The following CACNA1S variants were observed in gnomAD, a reference collection of about 807,000 sequenced individuals.
The protein encoded by CACNA1S is voltage-dependent L-type calcium channel subunit alpha-1S.
A neutral mutation model predicts 207.4 loss-of-function variants in CACNA1S; 126 were observed. The ratio of observed to expected loss-of-function variants is 0.61; its 90% confidence interval spans 0.53 to 0.70. The LOEUF is 0.70. Among genes scored for constraint, CACNA1S ranks in the 30% least tolerant of loss-of-function variants. The pLI is 0.00. For synonymous variants in CACNA1S, 960 were observed against 932.7 expected, an observed-to-expected ratio of 1.03 and a Z score of -0.53; for missense variants, 2,349 against 2,422.8, an observed-to-expected ratio of 0.97 and a Z score of 0.64.
At chr1:201,050,929 C>A (rs1359942617) in intron 33 of CACNA1S, 55 bp downstream of exon 33, 3 of 1,586,522 alleles carry the variant, frequency 1.9e-6, no homozygotes, top group African/African-American at 1.3e-5. Context: ...CAGGCTCCCC[C>A]ATGCCTCAGC....
In CACNA1S at chr1:201,039,870, G is replaced by T; in HGVS notation, c.5583C>A (p.His1861Gln). 1 of 1,610,674 alleles carries T rather than the reference G, an allele frequency of 6.2e-7. No homozygotes were observed. Among genetic ancestry groups the T allele is most frequent in the Non-Finnish European group, 8.5e-7 (1 of 1,180,028 alleles). Reference sequence around the variant, plus strand: ...GAATAAGGGTCTCCTGGGAGCCCTGGTGTTGGTCGAGGCTGCCCAGGGAGG... The same window carrying T: ...GAATAAGGGTCTCCTGGGAGCCCTGTTGTTGGTCGAGGCTGCCCAGGGAGG... Reference protein sequence around the residue: ...LGSSLGSLDQHQGSQETLIPP... With the variant: ...LGSSLGSLDQQQGSQETLIPP... Residue 1861 changes from histidine (H) to glutamine (Q), a missense_variant, in exon 44 of 44, where the codon CAC (histidine) becomes CAA (glutamine). By Grantham distance (24) the His-to-Gln change is conservative (BLOSUM62 0). Coordinates refer to ENST00000362061, the MANE Select transcript of CACNA1S (RefSeq NM_000069.3).
intron 2 of CACNA1S, among the ~76,000 whole-genome samples, chr1:201,095,931 ACAC>A (rs748414153): frequency 6.6e-6 from 1 of 152,240 alleles, no homozygotes; most frequent in Non-Finnish European, 1.5e-5. Context: ...GGAGTCAGGC[ACAC>A]CATTAAGGAA....
chr1:201,095,434 A>G lies in CACNA1S; in HGVS notation c.259-1413T>C, dbSNP rs577785430. ...CTGGGCACTCCATTAATGATATGGA[A>G]GATAATTTATTTTTACTTCCAAGTG... On this transcript the variant is annotated intron_variant, in intron 2 of 43. Transcript: ENST00000362061. Among the ~76,000 whole-genome samples the G allele has an allele frequency of 2.3e-3, 352 of 152,272 alleles. 2 individuals carry two copies. The highest frequency in any genetic ancestry group is 8.0e-3 in the African/African-American group (332 of 41,556).
At chr1:201,077,489 C>G (rs1041495833) in intron 11 of CACNA1S, among the ~76,000 whole-genome samples, 1 of 152,218 alleles carries the variant, frequency 6.6e-6, no homozygotes, top group African/African-American at 2.4e-5. Context: ...AGATGAACCT[C>G]TCTCCACTTC....
intron 2 of CACNA1S, among the ~76,000 whole-genome samples, chr1:201,105,161 C>A (rs1369859930): frequency 6.6e-6 from 1 of 152,160 alleles, no homozygotes; most frequent in African/African-American, 2.4e-5. Context: ...AAATCAGGGA[C>A]AAACGATGGG....
chr1:201,052,969 A>G (rs1354632790), intron 31 of CACNA1S, among the ~76,000 whole-genome samples: 3 of 152,144 alleles, frequency 2.0e-5, no homozygotes, highest in Admixed American at 6.5e-5. Context: ...GTCAGGCCTT[A>G]GAGAGACAGC....
rs537827532 is a variant in CACNA1S at position 201,061,766 on chromosome 1, G to A, written c.3053+178C>T. Among the ~76,000 whole-genome samples, 5 of 152,212 alleles carry A rather than the reference G, an allele frequency of 3.3e-5. No individual in the cohort carries two copies. In the East Asian group the frequency reaches 9.6e-4, roughly 29 times the overall value. On this transcript the variant is annotated intron_variant, in intron 24 of 43. Transcript: ENST00000362061. ...GCGTGCATTTTGTCAGAGACCCCTG[G>A]TCAGGCCTACTTTGGAGTGACCAGT...
chr1:201,097,759 C>T lies in CACNA1S; in HGVS notation c.259-3738G>A, dbSNP rs565868041. ...GGGTCACTCTCCAAAGAAGCCCTCT[C>T]GGAGTTGCTGCTGGTGGTGGGTGAG... On this transcript the variant is annotated intron_variant, in intron 2 of 43. Transcript: ENST00000362061. 2.6e-5 allele frequency among the ~76,000 whole-genome samples: 4 copies of T among 152,274 alleles called. No homozygotes were observed. In the East Asian group the frequency reaches 5.8e-4, roughly 22 times the overall value.
At chr1:201,106,441 C>T (rs539066711) in intron 2 of CACNA1S, among the ~76,000 whole-genome samples, 104 of 152,168 alleles carry the variant, frequency 6.8e-4, no homozygotes, top group Non-Finnish European at 1.3e-3. Flanking sequence ...TTCCTCTGCC[C>T]AGAATCCCCT....
chr1:201,097,839 C>T (rs1662495611), intron 2 of CACNA1S, among the ~76,000 whole-genome samples: 1 of 152,118 alleles, frequency 6.6e-6, no homozygotes, highest in African/African-American at 2.4e-5. Flanking sequence ...GATGCCCTTC[C>T]CTTAGTGACA....
At chr1:201,083,061 A>T in intron 10 of CACNA1S, 101 bp downstream of exon 10, 1 of 1,225,088 alleles carries the variant, frequency 8.2e-7, no homozygotes, top group Non-Finnish European at 1.2e-6. Context: ...GTCAATATCT[A>T]ATTGACCTCT....
intron 2 of CACNA1S, among the ~76,000 whole-genome samples, chr1:201,098,750 C>T (rs1404083136): frequency 6.6e-6 from 1 of 152,212 alleles, no homozygotes; most frequent in Non-Finnish European, 1.5e-5. Context: ...CTGTCCCTGA[C>T]CCCCTGATCT....
At chr1:201,047,332 G>A (rs1660504011) in intron 37 of CACNA1S, 93 bp from the exon 38 acceptor site, 2 of 1,545,460 alleles carry the variant, frequency 1.3e-6, no homozygotes, top group Non-Finnish European at 1.8e-6. Context: ...GCCCGGGCAT[G>A]CAAGCAATCC....
rs1660409860 is a variant in CACNA1S, at chr1:201,044,521, C to CT, written c.4669-66dup. 7.6e-6 allele frequency: 12 copies of CT among 1,584,168 alleles called. No homozygotes were observed. The Middle Eastern group carries it at 5.0e-4, about 66-fold the overall frequency. On this transcript the variant is annotated intron_variant, in intron 38 of 43. Transcript: ENST00000362061. ...GGAGAGGAGACCAGAACCACTTTTTCTTTTTTTGAGACAGAGTCTCACTCT... is the reference window on the plus strand; with the variant it reads ...GGAGAGGAGACCAGAACCACTTTTTCTTTTTTTTGAGACAGAGTCTCACTCT...
rs2102535331 is a variant in CACNA1S at position 201,039,915 on chromosome 1, C to T, written c.5538G>A (p.Leu1846=). 6.2e-7 allele frequency: 1 copy of T among 1,614,004 alleles called. No individual in the cohort carries two copies. Among genetic ancestry groups the T allele is most frequent in the Admixed American group, 1.7e-5 (1 of 60,038 alleles). Residue 1846 remains leucine, a synonymous_variant, in exon 44 of 44, where the codon CTG becomes CTA. Coordinates refer to ENST00000362061, the MANE Select transcript of CACNA1S (RefSeq NM_000069.3). ...GGGAGGACCCGAGGTTCAGGCATCC[C>T]AGGGAGCTGGCCATGCCCTCTGGGG... ...REAPEGMASS[L]GCLNLGSSLG...
At position 201,061,774 on chromosome 1, in the gene CACNA1S, T is replaced by C. The variant is rs185173649; in HGVS notation, c.3053+170A>G. On this transcript the variant is annotated intron_variant, in intron 24 of 43. Transcript: ENST00000362061. ...TTTGTCAGAGACCCCTGGTCAGGCC[T>C]ACTTTGGAGTGACCAGTCAACATAC... Among the ~76,000 whole-genome samples the C allele has an allele frequency of 5.6e-3, 847 of 152,336 alleles. 13 individuals are homozygous for C. The highest frequency in any genetic ancestry group is 4.0e-3 in the Non-Finnish European group (274 of 68,016).
At position 201,062,454 on chromosome 1, in the gene CACNA1S, C is replaced by T; in HGVS notation, c.2906+8G>A. ...TGACCGTCCCACTGTGCTCCCTGCC[C>T]CATGTACCTGCACTCCTCCTCTGTC... On this transcript the variant is annotated splice_region_variant and intron_variant, in intron 23 of 43. Transcript: ENST00000362061. 1 of 1,613,802 alleles carries T rather than the reference C, an allele frequency of 6.2e-7. No individual in the cohort carries two copies. The highest frequency in any genetic ancestry group is 8.5e-7 in the Non-Finnish European group (1 of 1,179,782).
intron 28 of CACNA1S, among the ~76,000 whole-genome samples, chr1:201,057,066 A>G (rs566925182): frequency 1.3e-4 from 20 of 152,302 alleles, no homozygotes; most frequent in Non-Finnish European, 2.5e-4. Flanking sequence ...CAGCAGCCAC[A>G]GTGATTGTTT....
intron 1 of CACNA1S, 50 bp from the exon 2 acceptor site, chr1:201,110,319 G>A (rs770190863): frequency 6.5e-7 from 1 of 1,535,394 alleles, no homozygotes; most frequent in African/African-American, 1.4e-5. Flanking sequence ...GGACTTACAG[G>A]GTTAAGGGGA....
Sources: gnomAD v4.1 joint callset for allele counts (sites outside exome capture counted in the v4.1 genomes callset) on GRCh38, gnomAD v4.1.1 for gene constraint, MANE v1.5 for transcripts, NCBI Gene and HGNC (gene_info 2026-07-23, HGNC 2026-07-21) for gene names.